Variants in HPSE2 observed in about 807,000 individuals in gnomAD.
HPSE2 encodes the protein heparanase 2 (inactive), also known as inactive heparanase-2.
Under a neutral mutation model 60.5 loss-of-function variants are expected in HPSE2, and 38 were observed. That is an observed-to-expected ratio of 0.63 (90% CI 0.48 to 0.82). The LOEUF is 0.82. Among genes scored for constraint, HPSE2 ranks in the 40% least tolerant of loss-of-function variants. The pLI is 0.00. For synonymous variants in HPSE2, 295 were observed against 293.2 expected (o/e 1.01, Z -0.06); for missense variants, 713 against 740.4 (o/e 0.96, Z 0.43).
chr10:98,615,791 C>T (rs904167502), intron 8 of HPSE2, among the ~76,000 whole-genome samples: 2 of 152,150 alleles, frequency 1.3e-5, no homozygotes, highest in African/African-American at 4.8e-5. Context: ...CTTTCTCTTC[C>T]TAATTCTGAA....
At chr10:99,121,615 C>A (rs1401957428) in intron 3 of HPSE2, among the ~76,000 whole-genome samples, 1 of 152,114 alleles carries the variant, frequency 6.6e-6, no homozygotes, top group Non-Finnish European at 1.5e-5. Flanking sequence ...AATGCCATAT[C>A]AATTATTGTC....
In HPSE2 at chr10:98,458,002, C is replaced by T. The variant is rs895630817; in HGVS notation, c.*1572G>A. Reference sequence around the variant, plus strand: ...CCCTCGCTTCCTGGAATTAGGTAGTCAGCTTCCCTCTCCCAAATCCACCGT... The same window carrying T: ...CCCTCGCTTCCTGGAATTAGGTAGTTAGCTTCCCTCTCCCAAATCCACCGT... On this transcript the variant is annotated 3_prime_UTR_variant, in exon 12 of 12. Coordinates refer to ENST00000370552, the MANE Select transcript of HPSE2 (RefSeq NM_021828.5). 8 of 152,330 alleles carry T rather than the reference C, an allele frequency of 5.3e-5. No homozygotes were observed. Among genetic ancestry groups the T allele is most frequent in the African/African-American group, 1.9e-4 (8 of 41,418 alleles). 9.4% of individuals were successfully genotyped at this position (152,330 alleles called of 1,614,324 possible). A position where few individuals can be genotyped will look rare whatever the true frequency, so the allele number is the denominator to read the frequency against.
chr10:99,208,941 A>G lies in HPSE2; in HGVS notation c.448+23407T>C, dbSNP rs1848859366. Among the ~76,000 whole-genome samples, 2 of 152,222 alleles carry G rather than the reference A, an allele frequency of 1.3e-5. 1 individual carries two copies. The highest frequency in any genetic ancestry group is 4.1e-4 in the South Asian group (2 of 4,838). ...TAAAACATGATAAAGGGATTAATTA[A>G]TGAACATATAATAGTTAAAAATATC... On this transcript the variant is annotated intron_variant, in intron 2 of 11. Coordinates refer to ENST00000370552, the MANE Select transcript of HPSE2 (RefSeq NM_021828.5).
intron 3 of HPSE2, chr10:99,013,309 C>T (rs1319305519): frequency 3.2e-6 from 2 of 620,246 alleles, no homozygotes; most frequent in South Asian, 1.5e-5. Context: ...TCCTCATGTG[C>T]TAACATTTTA....
chr10:99,120,695 A>T (rs1046824456), intron 3 of HPSE2, among the ~76,000 whole-genome samples: 4 of 152,092 alleles, frequency 2.6e-5, no homozygotes, highest in African/African-American at 9.7e-5. Flanking sequence ...GATGGTCTCA[A>T]TCTCTTGACC....
chr10:99,219,486 T>C (rs1019341332), intron 2 of HPSE2, among the ~76,000 whole-genome samples: 3 of 152,168 alleles, frequency 2.0e-5, no homozygotes, highest in Admixed American at 6.5e-5. Flanking sequence ...CCAGAGAACC[T>C]GTTTCAGATT....
At chr10:99,198,215 C>G (rs566352166) in intron 2 of HPSE2, among the ~76,000 whole-genome samples, 1 of 152,094 alleles carries the variant, frequency 6.6e-6, no homozygotes, top group Admixed American at 6.6e-5. Context: ...ACAACTCACA[C>G]GTTTCTGAAT....
Position 99,132,209 on chromosome 10 carries a change from G to A in HPSE2, c.610+12029C>T, listed in dbSNP as rs1236722995. On this transcript the variant is annotated intron_variant, in intron 3 of 11. Transcript: ENST00000370552. The stretch of plus-strand genomic sequence containing the variant: ...AGAAAGAAAGAGAGAGAGAGAGAGA[G>A]AGAGAGAGAGAGAGAGAGAGAGAGA... 6.8e-3 allele frequency among the ~76,000 whole-genome samples: 138 copies of A among 20,386 alleles called. 3 individuals carry two copies. The highest frequency in any genetic ancestry group is 0.019 in the Admixed American group (27 of 1,406). The allele number at this position is 20,386 out of a possible 152,430, so 13.4% of individuals were successfully genotyped here. A position where few individuals can be genotyped will look rare whatever the true frequency, so the allele number is the denominator to read the frequency against.
chr10:99,258,282 A>C, the HPSE2 span, among the ~76,000 whole-genome samples: 3 of 152,188 alleles, frequency 2.0e-5, no homozygotes, highest in Admixed American at 6.5e-5. Context: ...AACACCTGGG[A>C]AATACTTAGA....
chr10:99,019,283 C>G (rs1055410347), intron 3 of HPSE2, among the ~76,000 whole-genome samples: 1 of 152,158 alleles, frequency 6.6e-6, no homozygotes, highest in African/African-American at 2.4e-5. Context: ...AAGGAAAGGT[C>G]AGATTTACTA....
chr10:98,586,250 T>C (rs1944937658), intron 9 of HPSE2, among the ~76,000 whole-genome samples: 1 of 152,216 alleles, frequency 6.6e-6, no homozygotes, highest in African/African-American at 2.4e-5. Context: ...AGATGCATCG[T>C]ATTTTGACAT....
chr10:99,177,799 C>T (rs1266442156), intron 2 of HPSE2, among the ~76,000 whole-genome samples: 2 of 152,142 alleles, frequency 1.3e-5, no homozygotes, highest in Non-Finnish European at 2.9e-5. Context: ...ACTCTCCGCC[C>T]CAAATCGACA....
chr10:98,580,836 A>ATATATATATGTGTGTGTGTGTG, intron 9 of HPSE2, among the ~76,000 whole-genome samples: 14 of 119,532 alleles, frequency 1.2e-4, no homozygotes, highest in African/African-American at 5.0e-4. Flanking sequence ...ATATATATAT[A>ATATATATATGTGTGTGTGTGTG]TGTGTGTGTG....
intron 3 of HPSE2, among the ~76,000 whole-genome samples, chr10:99,133,397 A>T (rs1257954984): frequency 6.6e-6 from 1 of 152,236 alleles, no homozygotes; most frequent in Non-Finnish European, 1.5e-5. Context: ...GCTAAGGGTC[A>T]GACTGCCGCC....
intron 3 of HPSE2, among the ~76,000 whole-genome samples, chr10:98,813,303 A>T (rs760306230): frequency 5.9e-5 from 9 of 152,178 alleles, no homozygotes; most frequent in Non-Finnish European, 1.2e-4. Flanking sequence ...TATACATCAA[A>T]AATTCCAGAA....
At chr10:98,939,023 A>G (rs1954901875) in intron 3 of HPSE2, among the ~76,000 whole-genome samples, 1 of 143,970 alleles carries the variant, frequency 6.9e-6, no homozygotes, top group African/African-American at 2.8e-5. Context: ...TTCTTTACAG[A>G]CAAGCAAATG....
intron 4 of HPSE2, among the ~76,000 whole-genome samples, chr10:98,736,116 T>C (rs1044420821): frequency 8.5e-5 from 13 of 152,112 alleles, no homozygotes; most frequent in African/African-American, 1.9e-4. Context: ...TGGGAGATAA[T>C]TGAATCATGG....
At chr10:98,983,016 T>C (rs1041446232) in intron 3 of HPSE2, among the ~76,000 whole-genome samples, 11 of 152,176 alleles carry the variant, frequency 7.2e-5, no homozygotes, top group Admixed American at 6.5e-4. Context: ...ATATTGTTCA[T>C]ATAATCAATA....
intron 9 of HPSE2, among the ~76,000 whole-genome samples, chr10:98,517,080 C>A (rs1046062985): frequency 6.6e-6 from 1 of 151,906 alleles, no homozygotes; most frequent in African/African-American, 2.4e-5. Context: ...TCCCTTCTTT[C>A]GAATCCCAGG....
Sources: allele counts gnomAD v4.1 joint callset (sites outside exome capture counted in the v4.1 genomes callset), GRCh38; gene constraint gnomAD v4.1.1; transcripts MANE v1.5; gene names NCBI Gene and HGNC (gene_info 2026-07-23, HGNC 2026-07-21).